Variants in TRAPPC9 observed in about 807,000 individuals in gnomAD.
TRAPPC9 encodes the protein IKK2 binding protein.
In TRAPPC9, 83 loss-of-function variants were observed where a neutral mutation model predicts 124.0. The ratio of observed to expected loss-of-function variants is 0.67; its 90% CI spans 0.56 to 0.80. The LOEUF is 0.80. TRAPPC9 is among the 30% of genes least tolerant of loss of function. TRAPPC9 has a pLI of 0.00. For missense variants in TRAPPC9, 1,302 were observed against 1,508.3 expected (o/e 0.86, Z 2.27); for synonymous variants, 638 against 617.5 (o/e 1.03, Z -0.49).
chr8:140,146,149 CT>C (rs2061459249), intron 17 of TRAPPC9, among the ~76,000 whole-genome samples: 1 of 152,176 alleles, frequency 6.6e-6, no homozygotes, highest in Non-Finnish European at 1.5e-5. Context: ...TCAAAATCAA[CT>C]TTTTTCAAGG....
intron 17 of TRAPPC9, among the ~76,000 whole-genome samples, chr8:140,148,020 ACTGGCT>A (rs2061487985): frequency 2.6e-5 from 4 of 152,232 alleles, no homozygotes; most frequent in Non-Finnish European, 4.4e-5. Flanking sequence ...TGTGCCAGGC[ACTGGCT>A]CTGGCCCCGG....
At chr8:139,967,909 C>A (rs1275382385) in intron 19 of TRAPPC9, among the ~76,000 whole-genome samples, 1 of 152,066 alleles carries the variant, frequency 6.6e-6, no homozygotes, top group Non-Finnish European at 1.5e-5. Flanking sequence ...GAGGCCGAGG[C>A]GGGCGGACTG....
intron 17 of TRAPPC9, among the ~76,000 whole-genome samples, chr8:140,196,877 T>C (rs1382979131): frequency 1.3e-5 from 2 of 152,052 alleles, no homozygotes; most frequent in African/African-American, 4.8e-5. Context: ...ACCACACCTG[T>C]GATACTAAAA....
At chr8:140,132,228 G>A (rs1287287897) in intron 17 of TRAPPC9, among the ~76,000 whole-genome samples, 1 of 152,174 alleles carries the variant, frequency 6.6e-6, no homozygotes, top group Non-Finnish European at 1.5e-5. Context: ...AAAGGCTGCA[G>A]AAGTTGGTGC....
At chr8:140,447,209 G>A (rs772608672) in intron 2 of TRAPPC9, among the ~76,000 whole-genome samples, 2 of 152,064 alleles carry the variant, frequency 1.3e-5, no homozygotes, top group Admixed American at 6.6e-5. Context: ...GCTACAGACT[G>A]AACAAGATCC....
At chr8:140,272,841 A>G (rs1319155457) in intron 15 of TRAPPC9, among the ~76,000 whole-genome samples, 2 of 151,920 alleles carry the variant, frequency 1.3e-5, no homozygotes, top group African/African-American at 4.8e-5. Context: ...TTCATCAGGG[A>G]TCCACCCCCA....
intron 21 of TRAPPC9, among the ~76,000 whole-genome samples, chr8:139,826,307 G>A (rs888011182): frequency 6.6e-6 from 1 of 152,234 alleles, no homozygotes; most frequent in African/African-American, 2.4e-5. Flanking sequence ...CACTGCAGGT[G>A]AAAAGAGGAG....
chr8:140,102,393 A>G (rs2060595634), intron 17 of TRAPPC9, among the ~76,000 whole-genome samples: 1 of 152,214 alleles, frequency 6.6e-6, no homozygotes, highest in African/African-American at 2.4e-5. Context: ...AAATTCTTAT[A>G]GATGTCTTAA....
At chr8:140,367,993 T>C (rs944241662) in intron 8 of TRAPPC9, among the ~76,000 whole-genome samples, 2 of 152,124 alleles carry the variant, frequency 1.3e-5, no homozygotes, top group African/African-American at 4.8e-5. Flanking sequence ...AGAAAAACTA[T>C]CATAAACCTC....
intron 11 of TRAPPC9, among the ~76,000 whole-genome samples, chr8:140,293,408 A>G (rs1037181668): frequency 2.6e-5 from 4 of 152,086 alleles, no homozygotes; most frequent in African/African-American, 9.7e-5. Context: ...ATAAAGACAC[A>G]TGCACACGTA....
Position 140,242,282 on chromosome 8 carries a change from CGAAA to C in TRAPPC9, c.2431+10491_2431+10494del, listed in dbSNP as rs751662246. Among the ~76,000 whole-genome samples, 53 of 151,960 alleles carry C rather than the reference CGAAA, an allele frequency of 3.5e-4. 1 individual carries two copies. The highest frequency in any genetic ancestry group is 4.9e-4 in the Non-Finnish European group (33 of 68,016). ...TTCAAGAGGGCCAGGCTAGTGACAG[CGAAA>C]GAGTTAACTAGGCTCCCGTGAAGGC... On this transcript the variant is annotated intron_variant, in intron 16 of 22. Transcript: ENST00000438773.
chr8:140,195,072 AAC>A (rs2062607699), intron 17 of TRAPPC9, among the ~76,000 whole-genome samples: 1 of 152,098 alleles, frequency 6.6e-6, no homozygotes, highest in Admixed American at 6.6e-5. Flanking sequence ...GTGACACTAA[AAC>A]ACACTCAAGG....
At chr8:140,244,324 G>A (rs10110957) in intron 16 of TRAPPC9, among the ~76,000 whole-genome samples, 122 of 152,268 alleles carry the variant, frequency 8.0e-4, no homozygotes, top group Non-Finnish European at 1.3e-3. Flanking sequence ...GACATCTACC[G>A]TCTCGTCTCA....
chr8:139,740,717 C>A (rs577331023), intron 21 of TRAPPC9, among the ~76,000 whole-genome samples: 39 of 152,352 alleles, frequency 2.6e-4, no homozygotes, highest in African/African-American at 8.9e-4. Context: ...AAGGCCCACA[C>A]GGGCGGTGAG....
At chr8:140,393,190 G>A (rs1420371019) in intron 7 of TRAPPC9, among the ~76,000 whole-genome samples, 1 of 152,002 alleles carries the variant, frequency 6.6e-6, no homozygotes, top group Non-Finnish European at 1.5e-5. Context: ...TCCTCCCTCA[G>A]CCTCCCGAGT....
intron 17 of TRAPPC9, among the ~76,000 whole-genome samples, chr8:140,211,243 T>TA (rs985231258): frequency 1.2e-4 from 18 of 152,002 alleles, no homozygotes; most frequent in African/African-American, 2.9e-4. Flanking sequence ...AAATTAAAAA[T>TA]AAAAAAAAGT....
intron 20 of TRAPPC9, among the ~76,000 whole-genome samples, chr8:139,891,014 G>T (rs941584306): frequency 6.6e-6 from 1 of 152,024 alleles, no homozygotes; most frequent in East Asian, 1.9e-4. Flanking sequence ...CCCTGTCCAC[G>T]GCCAAATGCC....
In TRAPPC9 at chr8:140,153,964, T is replaced by C. The variant is rs529409661; in HGVS notation, c.2556+67495A>G. Among the ~76,000 whole-genome samples the C allele has an allele frequency of 9.2e-5, 14 of 152,268 alleles. No homozygotes were observed. The South Asian group carries it at 2.7e-3, about 29-fold the overall frequency. ...CTGCCTCAGAGTGCCTTGAACACCC[T>C]TCCCTACTATTTACCTGGAAACCAC... On this transcript the variant is annotated intron_variant, in intron 17 of 22. Coordinates refer to ENST00000438773, the MANE Select transcript of TRAPPC9 (RefSeq NM_001160372.4).
chr8:140,106,285 C>T (rs992335667), intron 17 of TRAPPC9, among the ~76,000 whole-genome samples: 2 of 152,156 alleles, frequency 1.3e-5, no homozygotes, highest in East Asian at 1.9e-4. Flanking sequence ...GTCAGACAGT[C>T]GTTCACAGAA....
Sources: gnomAD v4.1 joint callset for allele counts (sites outside exome capture counted in the v4.1 genomes callset) on GRCh38, gnomAD v4.1.1 for gene constraint, MANE v1.5 for transcripts, NCBI Gene and HGNC (gene_info 2026-07-23, HGNC 2026-07-21) for gene names.